CD300E: variants seen among roughly 807,000 people sequenced by gnomAD.
CD300E encodes CD300e molecule.
In CD300E, 14 loss-of-function variants were observed where a neutral mutation model predicts 20.9. The ratio of observed to expected loss-of-function variants is 0.67; its 90% CI spans 0.44 to 1.05. The LOEUF (loss-of-function observed/expected upper bound fraction) is 1.05. CD300E is among the 50% of genes least tolerant of loss of function. The pLI is 0.00. For synonymous variants in CD300E, 102 were observed against 103.7 expected (o/e 0.98, Z 0.10); for missense variants, 237 against 253.9 (o/e 0.93, Z 0.45).
intron 1 of CD300E, chr17:74,619,029 G>A (rs937332147): frequency 2.6e-5 from 12 of 465,416 alleles, no homozygotes; most frequent in Admixed American, 1.4e-4. Context: ...CCCCACCTAC[G>A]TTCTCCCCCA....
chr17:74,617,274 TGGACACGC>T lies in CD300E; in HGVS notation c.224_231del (p.Arg75HisfsTer19). ...GCGAGAGCCTCCGGGTGGTCTCTGA[TGGACACGC>T]GGCCATTCCTCTCCACCTTCTCTTC... On this transcript the variant is annotated frameshift_variant, in exon 2 of 4. Transcript: ENST00000392619. LOFTEE classifies it high-confidence loss of function. 1.2e-6 allele frequency: 2 copies of T among 1,614,230 alleles called. No individual in the cohort carries two copies. Among genetic ancestry groups the T allele is most frequent in the Non-Finnish European group, 1.7e-6 (2 of 1,180,040 alleles).
At chr17:74,619,494 C>G (rs897524067) in intron 1 of CD300E, 1 of 190,692 alleles carries the variant, frequency 5.2e-6, no homozygotes, top group Non-Finnish European at 1.1e-5. Context: ...TGGCCTTCTG[C>G]CCCTGGCCTC....
intron 1 of CD300E, among the ~76,000 whole-genome samples, chr17:74,618,870 G>T (rs763427111): frequency 1.4e-5 from 2 of 146,884 alleles, no homozygotes; most frequent in African/African-American, 2.5e-5. Context: ...GTGTTTTCCC[G>T]CTCTGTGCTC....
In CD300E at chr17:74,623,600, G is replaced by C. The variant is rs1432585846; in HGVS notation, c.22C>G (p.Leu8Val). 1.9e-6 allele frequency: 3 copies of C among 1,614,202 alleles called. No individual in the cohort carries two copies. The highest frequency in any genetic ancestry group is 2.5e-6 in the Non-Finnish European group (3 of 1,180,036). The change falls in exon 1 of 4, where the codon CTC becomes GTC. Residue 8 changes from leucine (L) to valine (V), a missense_variant. Leu to Val is a conservative substitution (Grantham distance 32). Coordinates refer to ENST00000392619, the MANE Select transcript of CD300E (RefSeq NM_181449.3). ...CACTCACCTGAGAGGCAGAGAAGGA[G>C]TAGAGCTGGGAGCAGCCACATGTTC... MWLLPAL[L>V]LLCLSGCLSL...
chr17:74,622,256 T>C (rs1295966795), intron 1 of CD300E, among the ~76,000 whole-genome samples: 3 of 151,084 alleles, frequency 2.0e-5, no homozygotes, highest in Admixed American at 2.0e-4. Context: ...GGGAATGAGA[T>C]AGGGGTGGAA....
rs201928324 is a variant in CD300E, at chr17:74,617,354, C to T, written c.152G>A (p.Arg51Gln). The change falls in exon 2 of 4, where the codon CGA (arginine) becomes CAA (glutamine). Residue 51 changes from arginine (R) to glutamine (Q), a missense_variant. Arg to Gln is a conservative substitution (Grantham distance 43). Transcript: ENST00000392619. Reference sequence around the variant, plus strand: ...CTCACATGACGTGTCGTACTGTCCTCGGCACCAGTACTTGTTATATCCCTT... The same window carrying T: ...CTCACATGACGTGTCGTACTGTCCTTGGCACCAGTACTTGTTATATCCCTT... ...MYKGYNKYWC[R>Q]GQYDTSCESI... is the part of the protein sequence containing the mutation. The T allele has an allele frequency of 7.4e-6, 12 of 1,614,080 alleles. No individual in the cohort carries two copies. The highest frequency in any genetic ancestry group is 4.0e-5 in the African/African-American group (3 of 74,914).
At chr17:74,620,941 G>A (rs957350328) in intron 1 of CD300E, among the ~76,000 whole-genome samples, 1 of 152,046 alleles carries the variant, frequency 6.6e-6, no homozygotes, top group African/African-American at 2.4e-5. Flanking sequence ...TACTCGGGAG[G>A]CCGAGGCACG....
Position 74,610,421 on chromosome 17 carries a change from A to G in CD300E, c.*2232T>C, listed in dbSNP as rs1193104180. On this transcript the variant is annotated 3_prime_UTR_variant, in exon 4 of 4. Transcript: ENST00000392619. ...ACTCTGCTAACCCACATCTCTAGCT[A>G]TCTGCTAGACCTCTCTGCCTGATGA... is the stretch of plus-strand genomic sequence containing the variant. The G allele has an allele frequency of 2.0e-5, 3 of 152,236 alleles. No homozygotes were observed. Among genetic ancestry groups the G allele is most frequent in the African/African-American group, 7.2e-5 (3 of 41,402 alleles). 9.4% of individuals were successfully genotyped at this position (152,236 alleles called of 1,614,324 possible).
In CD300E at chr17:74,617,211, C is replaced by T. The variant is rs1305006916; in HGVS notation, c.295G>A (p.Ala99Thr). ...VTMQNLNEDDAGSYWCKIQTV... is the reference protein window; with the variant it reads ...VTMQNLNEDDTGSYWCKIQTV... ...TGAATTTTGCACCAGTAAGATCCAGCATCATCTTCATTGAGGTTCTGCATG... is the reference window on the plus strand; with the variant it reads ...TGAATTTTGCACCAGTAAGATCCAGTATCATCTTCATTGAGGTTCTGCATG... Residue 99 changes from alanine (A) to threonine (T), a missense_variant, in exon 2 of 4, where the codon GCT becomes ACT. By Grantham distance (58) the Ala-to-Thr change is moderately conservative. Coordinates refer to ENST00000392619, the MANE Select transcript of CD300E (RefSeq NM_181449.3). The T allele has an allele frequency of 2.5e-6, 4 of 1,614,206 alleles. No homozygotes were observed. Among genetic ancestry groups the T allele is most frequent in the East Asian group, 2.2e-5 (1 of 44,878 alleles).
intron 1 of CD300E, chr17:74,619,050 G>T: frequency 2.1e-6 from 1 of 469,426 alleles, no homozygotes; most frequent in Non-Finnish European, 4.4e-6. Context: ...AGAACCTGTT[G>T]CCCCGCAGCT....
rs1434447039 is a variant in CD300E at position 74,617,398 on chromosome 17, A to T, written c.108T>A (p.Cys36Ter). ...ATCCCTTGTACATGCTCTCATACTG[A>T]CACCACACTGTCAGAGAGTCCCCCG... ...GTAGDSLTVW[C>*]QYESMYKGYN... The change falls in exon 2 of 4, where the codon TGT becomes TGA. Residue 36 changes from cysteine (C) to a stop codon, truncating the protein, a stop_gained. Transcript: ENST00000392619. LOFTEE classifies it high-confidence loss of function. 1 of 1,613,922 alleles carries T rather than the reference A, an allele frequency of 6.2e-7. No individual in the cohort carries two copies. The highest frequency in any genetic ancestry group is 1.3e-5 in the African/African-American group (1 of 74,860).
rs111826666 is a variant in CD300E at position 74,622,314 on chromosome 17, A to G, written c.40+1268T>C. Among the ~76,000 whole-genome samples the G allele has an allele frequency of 1.8e-3, 273 of 152,124 alleles. 4 individuals carry two copies. The highest frequency in any genetic ancestry group is 6.0e-3 in the African/African-American group (251 of 41,546). On this transcript the variant is annotated intron_variant, in intron 1 of 3. Coordinates refer to ENST00000392619, the MANE Select transcript of CD300E (RefSeq NM_181449.3). The stretch of plus-strand genomic sequence containing the variant: ...AAAAGGAAGCAAATTCAAATACAAA[A>G]TGAGCAAACATTGGTTGAGTGCAGT...
intron 3 of CD300E, among the ~76,000 whole-genome samples, chr17:74,613,579 C>T (rs922068112): frequency 6.6e-5 from 10 of 152,204 alleles, no homozygotes; most frequent in African/African-American, 2.4e-4. Flanking sequence ...AAATCCCCAG[C>T]TGAGCAAAGA....
Position 74,621,565 on chromosome 17 carries a change from G to A in CD300E, c.40+2017C>T, listed in dbSNP as rs186312496. ...ATTGATGGAATTATATAAATGCGTC[G>A]GTGCATTTGTTGAAACATGTGCTTG... On this transcript the variant is annotated intron_variant, in intron 1 of 3. Coordinates refer to ENST00000392619, the MANE Select transcript of CD300E (RefSeq NM_181449.3). Among the ~76,000 whole-genome samples the A allele has an allele frequency of 3.8e-3, 581 of 152,290 alleles. 2 individuals are homozygous for A. The highest frequency in any genetic ancestry group is 9.7e-3 in the African/African-American group (405 of 41,568).
In CD300E at chr17:74,612,463, G is replaced by T. The variant is rs190605011; in HGVS notation, c.*190C>A. The T allele has an allele frequency of 2.0e-3, 1,223 of 613,634 alleles. 11 individuals are homozygous for T. The African/African-American group carries it at 0.02, about 10-fold the overall frequency. 38.0% of individuals were successfully genotyped at this position (613,634 alleles called of 1,614,324 possible). A position where few individuals can be genotyped will look rare whatever the true frequency, so the allele number is the denominator to read the frequency against. On this transcript the variant is annotated 3_prime_UTR_variant, in exon 4 of 4. Transcript: ENST00000392619. Reference sequence around the variant, plus strand: ...AGGCAGGGGACTGGGGAGGAGAAAGGAGGACCCCCAAGCTGCACATTGAGG... The same window carrying T: ...AGGCAGGGGACTGGGGAGGAGAAAGTAGGACCCCCAAGCTGCACATTGAGG...
At position 74,610,272 on chromosome 17, in the gene CD300E, C is replaced by T. The variant is rs1041877578; in HGVS notation, c.*2381G>A. On this transcript the variant is annotated 3_prime_UTR_variant, in exon 4 of 4. Transcript: ENST00000392619. ...CCTTGATCAATGTCTTCCTCCTACC[C>T]TTTGTCTTTAAATGCAGGTGCCCCG... 2.0e-5 allele frequency: 3 copies of T among 152,300 alleles called. No individual in the cohort carries two copies. Among genetic ancestry groups the T allele is most frequent in the African/African-American group, 7.2e-5 (3 of 41,430 alleles). The allele number at this position is 152,300 out of a possible 1,614,324, so 9.4% of individuals were successfully genotyped here. A position where few individuals can be genotyped will look rare whatever the true frequency, so the allele number is the denominator to read the frequency against.
chr17:74,616,489 G>A (rs893894316), intron 2 of CD300E, among the ~76,000 whole-genome samples: 1 of 152,202 alleles, frequency 6.6e-6, no homozygotes, highest in Admixed American at 6.5e-5. Flanking sequence ...GGCACTGGCA[G>A]GACTCCGTTG....
chr17:74,613,626 C>T (rs1035982703), intron 3 of CD300E, among the ~76,000 whole-genome samples: 4 of 152,296 alleles, frequency 2.6e-5, no homozygotes, highest in African/African-American at 7.2e-5. Context: ...ACCCCAAGTC[C>T]GGAGCTGGAT....
At chr17:74,615,815 G>T (rs1423455036) in intron 2 of CD300E, among the ~76,000 whole-genome samples, 1 of 152,202 alleles carries the variant, frequency 6.6e-6, no homozygotes, top group Non-Finnish European at 1.5e-5. Flanking sequence ...GCTGGGCATG[G>T]TGTCTCACTC....
Sources: allele counts gnomAD v4.1 joint callset (sites outside exome capture counted in the v4.1 genomes callset), GRCh38; gene constraint gnomAD v4.1.1; transcripts MANE v1.5; gene names NCBI Gene and HGNC (gene_info 2026-07-23, HGNC 2026-07-21).